The following MUC17 variants were observed in gnomAD, a reference collection of about 807,000 sequenced individuals.
MUC17 encodes the protein mucin 17, cell surface associated.
A neutral mutation model predicts 170.3 loss-of-function variants in MUC17; 190 were observed. The ratio of observed to expected loss-of-function variants is 1.12; its 90% confidence interval spans 0.99 to 1.26. MUC17 has a LOEUF of 1.26. MUC17 is among the 50% of genes most tolerant of loss of function. The pLI, the probability that MUC17 is intolerant of heterozygous loss-of-function variation, is 0.00. For synonymous variants in MUC17, 2,325 were observed against 2,002.5 expected, an observed-to-expected ratio of 1.16 and a Z score of -4.30; for missense variants, 6,415 against 5,530.0, an observed-to-expected ratio of 1.16 and a Z score of -5.08.
chr7:101,051,628 A>G lies in MUC17; in HGVS notation c.12890A>G (p.Asn4297Ser), dbSNP rs778199981. Residue 4297 changes from asparagine (N) to serine (S), a missense_variant, in exon 8 of 13, where the codon AAC becomes AGC. Asn to Ser is a conservative substitution (Grantham distance 46). Transcript: ENST00000306151. The stretch of plus-strand genomic sequence containing the variant: ...TCTTTCACAGACATGATGTGTTTCA[A>G]CACCACTGGCACCCAAGTGCAAAAC... ...NDICSDMMCF[N>S]TTGTQVQNIT... 7 of 1,612,958 alleles carry G rather than the reference A, an allele frequency of 4.3e-6. No homozygotes were observed. The highest frequency in any genetic ancestry group is 5.9e-6 in the Non-Finnish European group (7 of 1,179,716).
Position 101,032,334 on chromosome 7 carries a change from G to A in MUC17, c.918G>A (p.Val306=). 6.2e-7 allele frequency: 1 copy of A among 1,613,792 alleles called. No individual in the cohort carries two copies. Among genetic ancestry groups the A allele is most frequent in the Non-Finnish European group, 8.5e-7 (1 of 1,179,968 alleles). ...CTCCTGCTGCCACCAACATTCCTGT[G>A]ATCACTTCTACTGAAGCCAGTTCAT... ...STTPAATNIP[V]ITSTEASSSP... Residue 306 remains valine (V), a synonymous_variant, in exon 3 of 13, where the codon GTG becomes GTA. Coordinates refer to ENST00000306151, the MANE Select transcript of MUC17 (RefSeq NM_001040105.2).
At position 101,032,174 on chromosome 7, in the gene MUC17, C is replaced by A; in HGVS notation, c.758C>A (p.Ala253Asp). The A allele has an allele frequency of 1.9e-6, 3 of 1,614,100 alleles. No individual in the cohort carries two copies. The highest frequency in any genetic ancestry group is 1.3e-5 in the African/African-American group (1 of 74,996). ...ISTPVTISAQ[A>D]SSSPTTAEGP... ...ACACCTGTGACCATTTCTGCTCAAG[C>A]CAGTTCATCTCCTACAACTGCTGAA... is the stretch of plus-strand genomic sequence containing the variant. The change falls in exon 3 of 13, where the codon GCC becomes GAC. Residue 253 changes from alanine to aspartate, a missense_variant. Physicochemically the swap from Ala to Asp is moderately radical, Grantham distance 126. Coordinates refer to ENST00000306151, the MANE Select transcript of MUC17 (RefSeq NM_001040105.2).
In MUC17 at chr7:101,034,127, C is replaced by G. The variant is rs139093882; in HGVS notation, c.2711C>G (p.Ser904Trp). 1.3e-6 allele frequency: 2 copies of G among 1,584,150 alleles called. No individual in the cohort carries two copies. Among genetic ancestry groups the G allele is most frequent in the Non-Finnish European group, 1.7e-6 (2 of 1,164,514 alleles). Residue 904 changes from serine (S) to tryptophan (W), a missense_variant, in exon 3 of 13, where the codon TCG (serine) becomes TGG (tryptophan). By Grantham distance (177) the Ser-to-Trp change is radical. Transcript: ENST00000306151. ...GTGACCAATTCTACTGAAGCCCGTTCGTCTCCTACAACTTCTGAAGGTACC... is the reference window on the plus strand; with the variant it reads ...GTGACCAATTCTACTGAAGCCCGTTGGTCTCCTACAACTTCTGAAGGTACC... ...TPVTNSTEAR[S>W]SPTTSEGTSM...
intron 3 of MUC17, among the ~76,000 whole-genome samples, chr7:101,044,912 AAAG>A (rs1228286489): frequency 6.6e-6 from 1 of 152,148 alleles, no homozygotes; most frequent in African/African-American, 2.4e-5. Context: ...TATAGAAGCA[AAAG>A]AAGATTCCTT....
intron 9 of MUC17, among the ~76,000 whole-genome samples, chr7:101,052,452 T>C (rs759882838): frequency 4.6e-5 from 7 of 151,994 alleles, no homozygotes; most frequent in Non-Finnish European, 8.8e-5. Flanking sequence ...AGAAGCCACA[T>C]GTGGGCAAAG....
rs779935421 is a variant in MUC17, at chr7:101,039,888, T to A, written c.8472T>A (p.Ser2824Arg). ...CTGTCAACCACACGCCAGTGGCCAG[T>A]TCTGAGGCTGGCACCCTTTCAACAA... ...SMPVNHTPVA[S>R]SEAGTLSTTP... is the part of the protein sequence containing the mutation. Residue 2824 changes from serine to arginine, a missense_variant, in exon 3 of 13, where the codon AGT becomes AGA. Ser to Arg is a moderately radical substitution (Grantham distance 110, BLOSUM62 -1). Transcript: ENST00000306151. The A allele has an allele frequency of 6.2e-7, 1 of 1,612,920 alleles. No homozygotes were observed. Among genetic ancestry groups the A allele is most frequent in the South Asian group, 1.1e-5 (1 of 91,022 alleles).
chr7:101,031,240 A>G lies in MUC17; in HGVS notation c.184+19A>G, dbSNP rs558418877. The G allele has an allele frequency of 1.2e-6, 2 of 1,605,492 alleles. No individual in the cohort carries two copies. Among genetic ancestry groups the G allele is most frequent in the East Asian group, 4.5e-5 (2 of 44,686 alleles). Reference sequence around the variant, plus strand: ...AGGACAGGTAAGGCAACAGACTCCAAGATCTATCTGGGAAGGTGGCTCACC... The same window carrying G: ...AGGACAGGTAAGGCAACAGACTCCAGGATCTATCTGGGAAGGTGGCTCACC... On this transcript the variant is annotated intron_variant, in intron 2 of 12. Coordinates refer to ENST00000306151, the MANE Select transcript of MUC17 (RefSeq NM_001040105.2).
In MUC17 at chr7:101,040,469, T is replaced by C; in HGVS notation, c.9053T>C (p.Val3018Ala). Residue 3018 changes from valine (V) to alanine (A), a missense_variant, in exon 3 of 13, where the codon GTG (valine) becomes GCG (alanine). Val to Ala is a moderately conservative substitution (Grantham distance 64). Transcript: ENST00000306151. ...SRTPADTSTP[V>A]TTSTEASSSP... ...ACTCCTGCTGACACCAGCACACCTGTGACCACTTCTACTGAAGCCAGTTCC... is the reference window on the plus strand; with the variant it reads ...ACTCCTGCTGACACCAGCACACCTGCGACCACTTCTACTGAAGCCAGTTCC... The C allele has an allele frequency of 6.2e-7, 1 of 1,612,346 alleles. No individual in the cohort carries two copies. Among genetic ancestry groups the C allele is most frequent in the Non-Finnish European group, 8.5e-7 (1 of 1,179,258 alleles).
intron 3 of MUC17, 100 bp from the exon 4 acceptor site, chr7:101,047,884 G>A: frequency 7.4e-7 from 1 of 1,356,196 alleles, no homozygotes; most frequent in South Asian, 1.7e-5. Context: ...AAGCTGTAAA[G>A]TGCTGTGCTC....
Position 101,040,722 on chromosome 7 carries a change from A to C in MUC17, c.9306A>C (p.Glu3102Asp). ...GCATGCCAATCTCAACTTATAGTGA[A>C]GGAAGCACTCCATTAACAGGTGTGC... ...GTSMPISTYSEGSTPLTGVPV... is the reference protein window; with the variant it reads ...GTSMPISTYSDGSTPLTGVPV... The change falls in exon 3 of 13, where the codon GAA becomes GAC. Residue 3102 changes from glutamate to aspartate, a missense_variant. Coordinates refer to ENST00000306151, the MANE Select transcript of MUC17 (RefSeq NM_001040105.2). 1 of 1,613,322 alleles carries C rather than the reference A, an allele frequency of 6.2e-7. No homozygotes were observed. The highest frequency in any genetic ancestry group is 8.5e-7 in the Non-Finnish European group (1 of 1,179,828).
At position 101,040,772 on chromosome 7, in the gene MUC17, G is replaced by T; in HGVS notation, c.9356G>T (p.Ser3119Ile). Reference sequence around the variant, plus strand: ...CCTGTCAGCACCACACCGGTGACCAGTTCTGCAATCAGCACCCTTTCAACA... The same window carrying T: ...CCTGTCAGCACCACACCGGTGACCATTTCTGCAATCAGCACCCTTTCAACA... ...GVPVSTTPVT[S>I]SAISTLSTTP... is the part of the protein sequence containing the mutation. Residue 3119 changes from serine to isoleucine, a missense_variant, in exon 3 of 13, where the codon AGT (serine) becomes ATT (isoleucine). Transcript: ENST00000306151. The T allele has an allele frequency of 6.2e-7, 1 of 1,612,764 alleles. No homozygotes were observed. The highest frequency in any genetic ancestry group is 8.5e-7 in the Non-Finnish European group (1 of 1,179,640).
In MUC17 at chr7:101,043,232, T is replaced by C. The variant is rs1317991535; in HGVS notation, c.11816T>C (p.Ile3939Thr). 2 of 1,614,134 alleles carry C rather than the reference T, an allele frequency of 1.2e-6. No individual in the cohort carries two copies. Among genetic ancestry groups the C allele is most frequent in the African/African-American group, 1.3e-5 (1 of 75,018 alleles). The change falls in exon 3 of 13, where the codon ATT (isoleucine) becomes ACT (threonine). Residue 3939 changes from isoleucine to threonine, a missense_variant. Ile to Thr is a moderately conservative substitution (Grantham distance 89). Coordinates refer to ENST00000306151, the MANE Select transcript of MUC17 (RefSeq NM_001040105.2). Reference sequence around the variant, plus strand: ...GAAGGAAGCACACCTGGGACAACCATTTTTATTCCCAGCACTCCTGTCACC... The same window carrying C: ...GAAGGAAGCACACCTGGGACAACCACTTTTATTCCCAGCACTCCTGTCACC... ...ITEGSTPGTT[I>T]FIPSTPVTSS... is the part of the protein sequence containing the mutation.
In MUC17 at chr7:101,039,328, A is replaced by G. The variant is rs1794607077; in HGVS notation, c.7912A>G (p.Ile2638Val). ...PSEVSTSLTS[I>V]LVSTMPVASS... is the part of the protein sequence containing the mutation. ...TGAAGTAAGTACTTCATTAACAAGT[A>G]TACTTGTCAGCACCATGCCAGTGGC... The change falls in exon 3 of 13, where the codon ATA becomes GTA. Residue 2638 changes from isoleucine to valine, a missense_variant. By Grantham distance (29) the Ile-to-Val change is conservative (BLOSUM62 3). Coordinates refer to ENST00000306151, the MANE Select transcript of MUC17 (RefSeq NM_001040105.2). 5 of 1,613,326 alleles carry G rather than the reference A, an allele frequency of 3.1e-6. No individual in the cohort carries two copies. Among genetic ancestry groups the G allele is most frequent in the African/African-American group, 1.3e-5 (1 of 74,948 alleles).
intron 1 of MUC17, among the ~76,000 whole-genome samples, chr7:101,022,114 C>G (rs552551369): frequency 1.6e-4 from 25 of 152,098 alleles, no homozygotes; most frequent in African/African-American, 5.8e-4. Context: ...GGGCTCTGTC[C>G]CCATCTAGCA....
At position 101,032,587 on chromosome 7, in the gene MUC17, G is replaced by C. The variant is rs1794320573; in HGVS notation, c.1171G>C (p.Gly391Arg). Residue 391 changes from glycine (G) to arginine (R), a missense_variant, in exon 3 of 13, where the codon GGA (glycine) becomes CGA (arginine). Physicochemically the swap from Gly to Arg is moderately radical, Grantham distance 125. Transcript: ENST00000306151. ...TSMLTSTLSE[G>R]STPLTNMPVS... ...CATGCTAACCTCAACTCTTAGTGAA[G>C]GAAGCACTCCATTAACAAATATGCC... 1 of 1,613,890 alleles carries C rather than the reference G, an allele frequency of 6.2e-7. No individual in the cohort carries two copies. Among genetic ancestry groups the C allele is most frequent in the South Asian group, 1.1e-5 (1 of 91,072 alleles).
intron 5 of MUC17, 88 bp downstream of exon 5, chr7:101,049,060 C>A (rs4515470): frequency 1.9e-6 from 3 of 1,583,224 alleles, no homozygotes; most frequent in East Asian, 4.5e-5. Context: ...GGGCTGTTCC[C>A]TTGTTAGATG....
Position 101,034,826 on chromosome 7 carries a change from A to C in MUC17, c.3410A>C (p.Glu1137Ala). Residue 1137 changes from glutamate to alanine, a missense_variant, in exon 3 of 13, where the codon GAA (glutamate) becomes GCA (alanine). By Grantham distance (107) the Glu-to-Ala change is moderately radical (BLOSUM62 -1). Coordinates refer to ENST00000306151, the MANE Select transcript of MUC17 (RefSeq NM_001040105.2). ...DTSIPVTTST[E>A]ASSSPTTAEG... ...AGCATACCTGTCACCACTTCTACTG[A>C]AGCCAGTTCATCTCCTACAACTGCT... 6.2e-7 allele frequency: 1 copy of C among 1,609,902 alleles called. No individual in the cohort carries two copies. Among genetic ancestry groups the C allele is most frequent in the Non-Finnish European group, 8.5e-7 (1 of 1,177,660 alleles).
chr7:101,036,812 C>G lies in MUC17; in HGVS notation c.5396C>G (p.Pro1799Arg), dbSNP rs145641335. The change falls in exon 3 of 13, where the codon CCA (proline) becomes CGA (arginine). Residue 1799 changes from proline to arginine, a missense_variant. Physicochemically the swap from Pro to Arg is moderately radical, Grantham distance 103 (BLOSUM62 -2). Coordinates refer to ENST00000306151, the MANE Select transcript of MUC17 (RefSeq NM_001040105.2). Reference protein sequence around the residue: ...SPTTAEGTSIPTSTLSEGMTP... With the variant: ...SPTTAEGTSIRTSTLSEGMTP... Reference sequence around the variant, plus strand: ...ACAACTGCTGAAGGTACCAGCATACCAACCTCGACTCTTAGTGAAGGAATG... The same window carrying G: ...ACAACTGCTGAAGGTACCAGCATACGAACCTCGACTCTTAGTGAAGGAATG... The G allele has an allele frequency of 3.2e-5, 51 of 1,605,470 alleles. No homozygotes were observed. Among genetic ancestry groups the G allele is most frequent in the Non-Finnish European group, 4.2e-5 (49 of 1,175,628 alleles).
At chr7:101,054,417 C>G (rs1795012916) in intron 11 of MUC17, among the ~76,000 whole-genome samples, 1 of 151,884 alleles carries the variant, frequency 6.6e-6, no homozygotes, top group East Asian at 1.9e-4. Context: ...TCTTTAAATT[C>G]TAAAGAAGGA....
Sources: gnomAD v4.1 joint callset for allele counts (sites outside exome capture counted in the v4.1 genomes callset) on GRCh38, gnomAD v4.1.1 for gene constraint, MANE v1.5 for transcripts, NCBI Gene and HGNC (gene_info 2026-07-23, HGNC 2026-07-21) for gene names.